The following XIRP2 variants were observed in gnomAD, a reference collection of about 807,000 sequenced individuals.
XIRP2 encodes the protein xin actin binding repeat containing 2.
A neutral mutation model predicts 277.0 loss-of-function variants in XIRP2; 236 were observed. The observed-to-expected ratio is 0.85, with a 90% CI of 0.77 to 0.95. XIRP2 has a LOEUF of 0.95. XIRP2 is among the 40% of genes least tolerant of loss of function. XIRP2 has a pLI of 0.00. For missense variants in XIRP2, 4,640 were observed against 4,157.5 expected, an observed-to-expected ratio of 1.12 and a Z score of -3.19; for synonymous variants, 1,490 against 1,416.5, an observed-to-expected ratio of 1.05 and a Z score of -1.17.
intron 2 of XIRP2, among the ~76,000 whole-genome samples, chr2:167,082,430 G>A (rs1255520072): frequency 6.6e-6 from 1 of 151,906 alleles, no homozygotes; most frequent in African/African-American, 2.4e-5. Flanking sequence ...CTTTATAGCA[G>A]CATGATTTAG....
chr2:167,156,771 A>T (rs16853098), intron 3 of XIRP2, among the ~76,000 whole-genome samples: 15,014 of 152,184 alleles, frequency 0.099, 791 homozygotes, highest in South Asian at 0.15. Flanking sequence ...ATAATTTTTT[A>T]AAAATGATCA....
At chr2:167,141,179 G>A (rs1380096010) in intron 3 of XIRP2, among the ~76,000 whole-genome samples, 5 of 151,984 alleles carry the variant, frequency 3.3e-5, no homozygotes, top group African/African-American at 1.2e-4. Context: ...CCCTGAAATT[G>A]GAAAAAACTA....
intron 1 of XIRP2, among the ~76,000 whole-genome samples, chr2:166,890,791 A>G (rs1369666833): frequency 1.3e-5 from 2 of 152,160 alleles, no homozygotes; most frequent in East Asian, 1.9e-4. Flanking sequence ...TCTTTTGTTA[A>G]ATACTAATTA....
chr2:167,018,770 C>G (rs990416595), intron 2 of XIRP2, among the ~76,000 whole-genome samples: 1 of 151,986 alleles, frequency 6.6e-6, no homozygotes, highest in Non-Finnish European at 1.5e-5. Flanking sequence ...CTGACATTTA[C>G]GTAATTTAAA....
chr2:167,078,529 G>A (rs1210859219), intron 2 of XIRP2, among the ~76,000 whole-genome samples: 2 of 151,958 alleles, frequency 1.3e-5, no homozygotes, highest in Non-Finnish European at 2.9e-5. Context: ...AAGTAATTGC[G>A]GTTTTTGCCT....
At chr2:167,085,106 T>G (rs1689888748) in intron 2 of XIRP2, among the ~76,000 whole-genome samples, 1 of 147,238 alleles carries the variant, frequency 6.8e-6, no homozygotes, top group South Asian at 2.3e-4. Flanking sequence ...CTCTACACAC[T>G]GCTTTGAATG....
At chr2:166,984,147 T>TA (rs1295957030) in intron 2 of XIRP2, among the ~76,000 whole-genome samples, 3 of 152,214 alleles carry the variant, frequency 2.0e-5, no homozygotes, top group Non-Finnish European at 4.4e-5. Context: ...TAATATGACT[T>TA]ACAGCTCCAC....
intron 2 of XIRP2, among the ~76,000 whole-genome samples, chr2:167,015,877 TATA>T: frequency 6.6e-6 from 1 of 151,764 alleles, no homozygotes; most frequent in South Asian, 2.1e-4. Context: ...CTAGATCACT[TATA>T]ATATTATATA....
chr2:166,985,008 T>G (rs1686964887), intron 2 of XIRP2, among the ~76,000 whole-genome samples: 4 of 152,258 alleles, frequency 2.6e-5, no homozygotes, highest in Admixed American at 2.6e-4. Context: ...CTGATTTCAT[T>G]GAGTATAGCT....
chr2:167,189,122 A>G (rs1393307303), intron 3 of XIRP2, among the ~76,000 whole-genome samples: 2 of 152,128 alleles, frequency 1.3e-5, no homozygotes, highest in African/African-American at 4.8e-5. Context: ...ATGTTTGAAA[A>G]ACTTCTCCAC....
At chr2:167,122,716 G>A (rs1403103555) in intron 2 of XIRP2, among the ~76,000 whole-genome samples, 1 of 152,172 alleles carries the variant, frequency 6.6e-6, no homozygotes, top group Admixed American at 6.6e-5. Flanking sequence ...CCCTTTTTGA[G>A]AAAATATTCT....
At chr2:167,098,317 G>A (rs967314530) in intron 2 of XIRP2, among the ~76,000 whole-genome samples, 4 of 151,814 alleles carry the variant, frequency 2.6e-5, no homozygotes, top group Non-Finnish European at 4.4e-5. Flanking sequence ...CTCTGATATC[G>A]TTTCCTCCAC....
intron 2 of XIRP2, among the ~76,000 whole-genome samples, chr2:167,112,541 G>A (rs1272728672): frequency 6.8e-6 from 1 of 146,682 alleles, no homozygotes; most frequent in East Asian, 2.0e-4. Context: ...ATATATACCA[G>A]ATATTTATAT....
At chr2:167,029,549 A>T (rs1688271463) in intron 2 of XIRP2, among the ~76,000 whole-genome samples, 1 of 152,100 alleles carries the variant, frequency 6.6e-6, no homozygotes, top group South Asian at 2.1e-4. Flanking sequence ...CATCCCAGGG[A>T]TGAAGCTGAC....
At chr2:166,946,336 AG>A (rs988444070) in intron 2 of XIRP2, among the ~76,000 whole-genome samples, 3 of 152,176 alleles carry the variant, frequency 2.0e-5, no homozygotes, top group African/African-American at 7.2e-5. Context: ...CTGTGTCCTT[AG>A]GCCACTAACT....
At chr2:166,983,473 T>A (rs1005968809) in intron 2 of XIRP2, among the ~76,000 whole-genome samples, 3 of 152,220 alleles carry the variant, frequency 2.0e-5, no homozygotes, top group African/African-American at 7.2e-5. Context: ...TGACTATTAC[T>A]TTGTATATCT....
At position 166,903,773 on chromosome 2, in the gene XIRP2, G is replaced by A; in HGVS notation, c.291G>A (p.Lys97=). The A allele has an allele frequency of 1.2e-6, 2 of 1,613,700 alleles. No homozygotes were observed. The highest frequency in any genetic ancestry group is 1.7e-6 in the Non-Finnish European group (2 of 1,179,800). Residue 97 remains lysine (K), a synonymous_variant, in exon 2 of 11, where the codon AAG becomes AAA. Coordinates refer to ENST00000409195, the MANE Select transcript of XIRP2 (RefSeq NM_152381.6). The part of the protein sequence containing the change: ...TREYGRPEVL[K]EDSLSSRRRI... Reference sequence around the variant, plus strand: ...AATATGGTCGGCCAGAAGTGCTGAAGGAGGATTCCCTGAGCAGTCGGCGCA... The same window carrying A: ...AATATGGTCGGCCAGAAGTGCTGAAAGAGGATTCCCTGAGCAGTCGGCGCA...
chr2:166,896,687 TA>T lies in XIRP2; in HGVS notation c.-18-6777del, dbSNP rs1432064380. 2.0e-5 allele frequency among the ~76,000 whole-genome samples: 3 copies of T among 152,100 alleles called. No individual in the cohort carries two copies. The East Asian group carries it at 5.8e-4, about 29-fold the overall frequency. Reference sequence around the variant, plus strand: ...TTATTGAAGAAAGAAAAATCTCTTTTATAAATTTAATGTCACCTATGTATAT... The same window carrying T: ...TTATTGAAGAAAGAAAAATCTCTTTTTAAATTTAATGTCACCTATGTATAT... On this transcript the variant is annotated intron_variant, in intron 1 of 10. Coordinates refer to ENST00000409195, the MANE Select transcript of XIRP2 (RefSeq NM_152381.6).
At chr2:167,197,119 T>C (rs1346508989) in intron 3 of XIRP2, among the ~76,000 whole-genome samples, 1 of 152,218 alleles carries the variant, frequency 6.6e-6, no homozygotes, top group African/African-American at 2.4e-5. Context: ...GCTCATGTGG[T>C]ACCCTGCTGA....
Sources: gnomAD v4.1 joint callset for allele counts (sites outside exome capture counted in the v4.1 genomes callset) on GRCh38, gnomAD v4.1.1 for gene constraint, MANE v1.5 for transcripts, NCBI Gene and HGNC (gene_info 2026-07-23, HGNC 2026-07-21) for gene names.